Variants in NLK observed in about 807,000 individuals in gnomAD.
NLK encodes serine/threonine-protein kinase NLK.
In NLK, 11 loss-of-function variants were observed where a neutral mutation model predicts 59.0. The observed-to-expected ratio is 0.19, with a 90% CI of 0.12 to 0.31. The LOEUF (loss-of-function observed/expected upper bound fraction) is 0.31. NLK is among the 10% of genes least tolerant of loss of function. The pLI is 1.00. For synonymous variants in NLK, 235 were observed against 235.9 expected (o/e 1.00, Z 0.03); for missense variants, 410 against 661.1 (o/e 0.62, Z 4.16).
chr17:28,124,610 A>T (rs1597695821), intron 2 of NLK, among the ~76,000 whole-genome samples: 1 of 152,336 alleles, frequency 6.6e-6, no homozygotes, highest in East Asian at 1.9e-4. Context: ...ATAATTTAGA[A>T]TAATGTCTAG....
At chr17:28,120,686 G>T (rs1906007304) in intron 1 of NLK, among the ~76,000 whole-genome samples, 2 of 152,234 alleles carry the variant, frequency 1.3e-5, no homozygotes, top group Middle Eastern at 6.8e-3. Flanking sequence ...AAGTCATCGT[G>T]TTGTTAAAAA....
intron 2 of NLK, among the ~76,000 whole-genome samples, chr17:28,129,310 G>T (rs567391907): frequency 4.6e-5 from 7 of 152,038 alleles, no homozygotes; most frequent in Admixed American, 1.3e-4. Flanking sequence ...AAAGTTAGCC[G>T]GGCATGGTGG....
chr17:28,197,484 A>AC (rs1245631570), downstream of NLK, among the ~76,000 whole-genome samples: 1 of 151,428 alleles, frequency 6.6e-6, no homozygotes, highest in African/African-American at 2.4e-5. Flanking sequence ...AAAAAAAAAA[A>AC]CAGAAACTAA....
At chr17:28,069,066 T>C (rs1260760943) in intron 1 of NLK, among the ~76,000 whole-genome samples, 1 of 152,230 alleles carries the variant, frequency 6.6e-6, no homozygotes, top group Admixed American at 6.5e-5. Context: ...AAGTAAATTC[T>C]ACCATGCATC....
At chr17:28,081,805 G>C (rs563977002) in intron 1 of NLK, among the ~76,000 whole-genome samples, 1 of 152,162 alleles carries the variant, frequency 6.6e-6, no homozygotes, top group Non-Finnish European at 1.5e-5. Context: ...GCATGTGTTA[G>C]GAATGCTTTT....
At chr17:28,078,464 A>G (rs1418603678) in intron 1 of NLK, among the ~76,000 whole-genome samples, 1 of 152,234 alleles carries the variant, frequency 6.6e-6, no homozygotes, top group East Asian at 1.9e-4. Context: ...CTTGGTAGCA[A>G]TATTGAACCT....
At chr17:28,096,567 A>G (rs540599783) in intron 1 of NLK, among the ~76,000 whole-genome samples, 65 of 152,286 alleles carry the variant, frequency 4.3e-4, no homozygotes, top group African/African-American at 1.5e-3. Flanking sequence ...GGAGAAGATT[A>G]TGGGAACTTT....
rs769633651 is a variant in NLK, at chr17:28,043,074, C to T, written c.201C>T (p.His67=). 6.4e-7 allele frequency: 1 copy of T among 1,569,402 alleles called. No homozygotes were observed. Among genetic ancestry groups the T allele is most frequent in the Non-Finnish European group, 8.6e-7 (1 of 1,156,534 alleles). Residue 67 remains histidine (H), a synonymous_variant, in exon 1 of 11, where the codon CAC becomes CAT. Coordinates refer to ENST00000407008, the MANE Select transcript of NLK (RefSeq NM_016231.5). ...SAAAVHPVQQ[H]TSSAAAAAAA... is the part of the protein sequence containing the mutation. ...CCGCTGTACACCCTGTACAGCAGCA[C>T]ACCTCTTCGGCAGCTGCGGCAGCCG...
intron 6 of NLK, among the ~76,000 whole-genome samples, chr17:28,171,608 T>C (rs1430927355): frequency 2.6e-5 from 4 of 152,204 alleles, no homozygotes; most frequent in Admixed American, 2.0e-4. Context: ...GGATGTGTAC[T>C]GGCCCAAGCA....
rs768301207 is a variant in NLK at position 28,043,200 on chromosome 17, C to A, written c.327C>A (p.Ala109=). ...PGQAPGPAAA[A]PAQVQAAAAA... ...AGGCTCCTGGACCAGCTGCAGCAGC[C>A]CCAGCTCAGGTACAGGCTGCCGCAG... Residue 109 remains alanine (A), a synonymous_variant, in exon 1 of 11, where the codon GCC becomes GCA. Coordinates refer to ENST00000407008, the MANE Select transcript of NLK (RefSeq NM_016231.5). 5 of 1,613,848 alleles carry A rather than the reference C, an allele frequency of 3.1e-6. No homozygotes were observed. The Admixed American group carries it at 8.3e-5, about 27-fold the overall frequency.
chr17:28,165,608 C>T (rs963312789), intron 5 of NLK, among the ~76,000 whole-genome samples: 3 of 152,060 alleles, frequency 2.0e-5, no homozygotes, highest in East Asian at 1.9e-4. Flanking sequence ...CCTTCCATAT[C>T]GTGAATGTAT....
chr17:28,142,422 G>A (rs964633967), intron 3 of NLK, among the ~76,000 whole-genome samples: 3 of 152,154 alleles, frequency 2.0e-5, no homozygotes, highest in Non-Finnish European at 4.4e-5. Context: ...CTTCAGAAAA[G>A]GTCAGTGATT....
At chr17:28,106,253 T>C (rs1597683489) in intron 1 of NLK, among the ~76,000 whole-genome samples, 1 of 152,224 alleles carries the variant, frequency 6.6e-6, no homozygotes, top group African/African-American at 2.4e-5. Flanking sequence ...TAAATTCTTT[T>C]ATACAGTGTG....
intron 2 of NLK, among the ~76,000 whole-genome samples, chr17:28,123,651 A>G (rs983904050): frequency 2.0e-5 from 3 of 152,200 alleles, no homozygotes; most frequent in African/African-American, 4.8e-5. Context: ...GAGATGTGGG[A>G]AACAGTTTCT....
chr17:28,084,887 G>T (rs1033498645), intron 1 of NLK, among the ~76,000 whole-genome samples: 3 of 152,060 alleles, frequency 2.0e-5, no homozygotes, highest in Admixed American at 2.0e-4. Flanking sequence ...TCTATTTTTT[G>T]CAGTATTGTT....
At chr17:28,051,343 G>A (rs985030106) in intron 1 of NLK, among the ~76,000 whole-genome samples, 1 of 151,262 alleles carries the variant, frequency 6.6e-6, no homozygotes, top group Non-Finnish European at 1.5e-5. Flanking sequence ...GATGTTCAAG[G>A]TGCCATTTCC....
intron 1 of NLK, among the ~76,000 whole-genome samples, chr17:28,120,974 G>A (rs999638805): frequency 2.0e-5 from 3 of 152,176 alleles, no homozygotes; most frequent in Non-Finnish European, 4.4e-5. Flanking sequence ...TGTCAGTCTC[G>A]TTGATGATTT....
chr17:28,205,095 T>C, the NLK span, among the ~76,000 whole-genome samples: 17 of 152,294 alleles, frequency 1.1e-4, no homozygotes, highest in East Asian at 1.7e-3. Flanking sequence ...CCTGAAGATA[T>C]GGGAATTCAG....
At chr17:28,077,065 CTT>C (rs1910183231) in intron 1 of NLK, among the ~76,000 whole-genome samples, 1 of 77,998 alleles carries the variant, frequency 1.3e-5, no homozygotes, top group Non-Finnish European at 2.7e-5. Context: ...TTGTACTTCT[CTT>C]TCTTTCTTTT....
Sources: allele counts gnomAD v4.1 joint callset (sites outside exome capture counted in the v4.1 genomes callset), GRCh38; gene constraint gnomAD v4.1.1; transcripts MANE v1.5; gene names NCBI Gene and HGNC (gene_info 2026-07-23, HGNC 2026-07-21).